Variants in KCTD8 observed in about 807,000 individuals in gnomAD.
KCTD8 encodes BTB/POZ domain-containing protein KCTD8.
In KCTD8, 27 loss-of-function variants were observed where a neutral mutation model predicts 31.5. The observed-to-expected ratio is 0.86, with a 90% CI of 0.63 to 1.18. The LOEUF (loss-of-function observed/expected upper bound fraction) is 1.18, where lower values mean the gene tolerates loss of function less well. Among genes scored for constraint, KCTD8 ranks in the 50% most tolerant of loss-of-function variants. KCTD8 has a pLI of 0.00. For missense variants in KCTD8, 658 were observed against 647.7 expected, an observed-to-expected ratio of 1.02 and a Z score of -0.17; for synonymous variants, 290 against 280.0, an observed-to-expected ratio of 1.04 and a Z score of -0.36.
chr4:44,174,612 A>G lies in KCTD8; in HGVS notation c.*178T>C, dbSNP rs1385936163. ...TTGATTTAATATTTTTTCCTTTTTA[A>G]TCATGTTTCTAAAAAGAACAACAAC... On this transcript the variant is annotated 3_prime_UTR_variant, in exon 2 of 2. Coordinates refer to ENST00000360029, the MANE Select transcript of KCTD8 (RefSeq NM_198353.3). 4 of 488,998 alleles carry G rather than the reference A, an allele frequency of 8.2e-6. No homozygotes were observed. The highest frequency in any genetic ancestry group is 5.9e-5 in the African/African-American group (3 of 50,996). 30.3% of individuals were successfully genotyped at this position (488,998 alleles called of 1,614,324 possible).
Position 44,371,560 on chromosome 4 carries a change from T to C in KCTD8, c.961+76003A>G, listed in dbSNP as rs927600554. On this transcript the variant is annotated intron_variant, in intron 1 of 1. Coordinates refer to ENST00000360029, the MANE Select transcript of KCTD8 (RefSeq NM_198353.3). Reference sequence around the variant, plus strand: ...GTTAAAAGTATATTATCAAAGGATATTGAAAGCATTGGAGGCTATTCCCAA... The same window carrying C: ...GTTAAAAGTATATTATCAAAGGATACTGAAAGCATTGGAGGCTATTCCCAA... Among the ~76,000 whole-genome samples, 8 of 152,254 alleles carry C rather than the reference T, an allele frequency of 5.3e-5. No homozygotes were observed. In the East Asian group the frequency reaches 9.7e-4, roughly 18 times the overall value.
intron 1 of KCTD8, among the ~76,000 whole-genome samples, chr4:44,269,686 A>G (rs1244488155): frequency 1.3e-5 from 2 of 152,156 alleles, no homozygotes; most frequent in East Asian, 1.9e-4. Flanking sequence ...ACTCAAACAA[A>G]TTTACAAGAA....
chr4:44,206,400 A>G (rs1481994217), intron 1 of KCTD8, among the ~76,000 whole-genome samples: 3 of 152,220 alleles, frequency 2.0e-5, no homozygotes, highest in Non-Finnish European at 2.9e-5. Flanking sequence ...CAACAGCCCC[A>G]GCCACATGCC....
chr4:44,260,932 G>A (rs1423427340), intron 1 of KCTD8, among the ~76,000 whole-genome samples: 1 of 151,954 alleles, frequency 6.6e-6, no homozygotes, highest in East Asian at 1.9e-4. Flanking sequence ...ACTTAAAGCA[G>A]GGAGATGAGC....
At chr4:44,382,543 A>G (rs1354909858) in intron 1 of KCTD8, among the ~76,000 whole-genome samples, 1 of 151,902 alleles carries the variant, frequency 6.6e-6, no homozygotes, top group African/African-American at 2.4e-5. Context: ...CTTGGCCAAC[A>G]TGGTAAAACC....
chr4:44,269,844 C>A (rs909097737), intron 1 of KCTD8, among the ~76,000 whole-genome samples: 25 of 152,086 alleles, frequency 1.6e-4, no homozygotes, highest in Admixed American at 4.6e-4. Flanking sequence ...CAATGAGATA[C>A]CATCTCACAC....
chr4:44,267,367 C>G (rs962622384), intron 1 of KCTD8, among the ~76,000 whole-genome samples: 8 of 152,180 alleles, frequency 5.3e-5, no homozygotes, highest in East Asian at 1.9e-4. Context: ...ACACAACATA[C>G]CAGAATCTCT....
chr4:44,259,867 C>A (rs1716110365), intron 1 of KCTD8, among the ~76,000 whole-genome samples: 1 of 151,756 alleles, frequency 6.6e-6, no homozygotes, highest in African/African-American at 2.4e-5. Context: ...ATTTCTCTTA[C>A]CCCTCCCAAA....
chr4:44,197,301 C>T (rs1713975808), intron 1 of KCTD8, among the ~76,000 whole-genome samples: 1 of 152,108 alleles, frequency 6.6e-6, no homozygotes, highest in Non-Finnish European at 1.5e-5. Context: ...TACAGCCTTC[C>T]TAACACAGAC....
chr4:44,268,895 A>G (rs1369684538), intron 1 of KCTD8, among the ~76,000 whole-genome samples: 1 of 152,238 alleles, frequency 6.6e-6, no homozygotes, highest in African/African-American at 2.4e-5. Context: ...AAAAGAGGAT[A>G]CAAAGAAATG....
At chr4:44,264,368 G>C (rs1340589605) in intron 1 of KCTD8, among the ~76,000 whole-genome samples, 1 of 152,126 alleles carries the variant, frequency 6.6e-6, no homozygotes, top group Non-Finnish European at 1.5e-5. Flanking sequence ...ACTAGAGTTG[G>C]AATTGTATTT....
rs184032598 is a variant in KCTD8, at chr4:44,292,390, C to G, written c.962-117140G>C. Among the ~76,000 whole-genome samples the G allele has an allele frequency of 2.5e-3, 387 of 152,234 alleles. 2 individuals are homozygous for G. Among genetic ancestry groups the G allele is most frequent in the African/African-American group, 8.6e-3 (356 of 41,556 alleles). ...TGCAGGATCAGAAAACTAAATACCA[C>G]ATGTTCTCACTTATAAATGGGAGTG... On this transcript the variant is annotated intron_variant, in intron 1 of 1. Transcript: ENST00000360029.
chr4:44,275,660 G>C (rs986478574), intron 1 of KCTD8, among the ~76,000 whole-genome samples: 1 of 152,030 alleles, frequency 6.6e-6, no homozygotes, highest in Non-Finnish European at 1.5e-5. Context: ...AAATGCAACA[G>C]CTTCTTTATG....
chr4:44,429,155 T>A lies in KCTD8; in HGVS notation c.961+18408A>T, dbSNP rs575217208. 2.6e-5 allele frequency among the ~76,000 whole-genome samples: 4 copies of A among 151,732 alleles called. No individual in the cohort carries two copies. In the South Asian group the frequency reaches 8.3e-4, roughly 32 times the overall value. Reference sequence around the variant, plus strand: ...AAGGAAGAGCCAAAGCGATAAGCAGTGTTGTGTCATAAAATCAAGGACCCT... The same window carrying A: ...AAGGAAGAGCCAAAGCGATAAGCAGAGTTGTGTCATAAAATCAAGGACCCT... On this transcript the variant is annotated intron_variant, in intron 1 of 1. Coordinates refer to ENST00000360029, the MANE Select transcript of KCTD8 (RefSeq NM_198353.3).
chr4:44,375,030 C>T (rs1719885411), intron 1 of KCTD8, among the ~76,000 whole-genome samples: 1 of 152,074 alleles, frequency 6.6e-6, no homozygotes, highest in African/African-American at 2.4e-5. Context: ...TGCAGTAAAA[C>T]AAGGTATGCC....
intron 1 of KCTD8, among the ~76,000 whole-genome samples, chr4:44,374,387 G>A (rs554945147): frequency 3.3e-5 from 5 of 152,270 alleles, no homozygotes; most frequent in African/African-American, 1.2e-4. Context: ...TGGCTGAAGG[G>A]AATGTTGTGG....
chr4:44,283,001 A>G (rs987234233), intron 1 of KCTD8, among the ~76,000 whole-genome samples: 3 of 150,790 alleles, frequency 2.0e-5, no homozygotes, highest in Admixed American at 6.6e-5. Flanking sequence ...ATAATTGAGG[A>G]AAGTGGCTAC....
intron 1 of KCTD8, among the ~76,000 whole-genome samples, chr4:44,330,853 C>T (rs746780561): frequency 1.4e-4 from 21 of 151,736 alleles, no homozygotes; most frequent in Admixed American, 3.3e-4. Flanking sequence ...CAGGATGATT[C>T]AATGCTTCAA....
At chr4:44,181,945 C>G (rs1390539325) in intron 1 of KCTD8, among the ~76,000 whole-genome samples, 1 of 142,790 alleles carries the variant, frequency 7.0e-6, no homozygotes, top group African/African-American at 2.5e-5. Context: ...GGCAGCCGCC[C>G]CCTCTGAGAA....
Sources: allele counts gnomAD v4.1 joint callset (sites outside exome capture counted in the v4.1 genomes callset), GRCh38; gene constraint gnomAD v4.1.1; transcripts MANE v1.5; gene names NCBI Gene and HGNC (gene_info 2026-07-23, HGNC 2026-07-21).